Variants in ZNF808 observed in about 807,000 individuals in gnomAD.
ZNF808 encodes zinc finger protein 808.
ZNF808 carries 5 observed loss-of-function variants against 8.7 expected under a neutral mutation model. That is an observed-to-expected ratio of 0.58 (90% CI 0.30 to 1.21). The LOEUF (loss-of-function observed/expected upper bound fraction) is 1.21, where lower values mean the gene tolerates loss of function less well. Ranked by LOEUF, ZNF808 falls within the 50% of genes most tolerant of loss-of-function variation. ZNF808 has a pLI of 0.07. For synonymous variants in ZNF808, 380 were observed against 366.0 expected (o/e 1.04, Z -0.44); for missense variants, 1,103 against 1,098.4 (o/e 1.00, Z -0.06).
At chr19:52,548,586 G>C (rs1372556194) in intron 4 of ZNF808, among the ~76,000 whole-genome samples, 1 of 152,042 alleles carries the variant, frequency 6.6e-6, no homozygotes, top group African/African-American at 2.4e-5. Context: ...CCACACCCGG[G>C]TAATTTTTGG....
At chr19:52,538,082 C>CT (rs1371151266) in intron 2 of ZNF808, among the ~76,000 whole-genome samples, 8 of 152,154 alleles carry the variant, frequency 5.3e-5, no homozygotes, top group South Asian at 2.1e-4. Flanking sequence ...GTTATCTACT[C>CT]TAACTGCAGC....
chr19:52,547,616 C>A lies in ZNF808; in HGVS notation c.168C>A (p.Asn56Lys). The part of the protein sequence containing the change: ...RALYREVMLE[N>K]YRNLEAVDIS... ...TGTACAGGGAAGTGATGTTGGAGAA[C>A]TACAGGAACCTGGAGGCTGTGGGTG... is the stretch of plus-strand genomic sequence containing the variant. The change falls in exon 4 of 5, where the codon AAC becomes AAA. Residue 56 changes from asparagine (N) to lysine (K), a missense_variant. Transcript: ENST00000359798. The A allele has an allele frequency of 6.2e-7, 1 of 1,613,998 alleles. No homozygotes were observed. Among genetic ancestry groups the A allele is most frequent in the Non-Finnish European group, 8.5e-7 (1 of 1,179,972 alleles).
intron 2 of ZNF808, among the ~76,000 whole-genome samples, chr19:52,536,539 A>G (rs542173419): frequency 2.2e-4 from 33 of 151,998 alleles, no homozygotes; most frequent in Non-Finnish European, 4.3e-4. Flanking sequence ...CTGCTCCCCA[A>G]TTCTTCCCTT....
intron 2 of ZNF808, among the ~76,000 whole-genome samples, chr19:52,537,996 T>C (rs991356145): frequency 7.0e-6 from 1 of 141,894 alleles, no homozygotes; most frequent in Non-Finnish European, 1.5e-5. Flanking sequence ...TCGCTGTTAT[T>C]ACATAATACT....
At chr19:52,537,197 C>T (rs536063) in intron 2 of ZNF808, among the ~76,000 whole-genome samples, 49,476 of 150,244 alleles carry the variant, frequency 0.33, 8,756 homozygotes, top group East Asian at 0.52. Flanking sequence ...AAAAAAAAAG[C>T]GGTTAAATAA....
At chr19:52,535,476 T>C (rs991152232) in intron 2 of ZNF808, among the ~76,000 whole-genome samples, 3 of 152,114 alleles carry the variant, frequency 2.0e-5, no homozygotes, top group Non-Finnish European at 2.9e-5. Context: ...CGCTGCTTCC[T>C]GAGTAGCTGG....
chr19:52,534,410 T>A (rs1213622780), intron 2 of ZNF808, among the ~76,000 whole-genome samples: 4 of 152,200 alleles, frequency 2.6e-5, no homozygotes, highest in African/African-American at 9.6e-5. Context: ...CACTGAAGTT[T>A]CTTTCTCTCT....
downstream of ZNF808, among the ~76,000 whole-genome samples, chr19:52,558,049 G>T (rs2059844263): frequency 8.1e-6 from 1 of 124,084 alleles, no homozygotes; most frequent in Non-Finnish European, 1.6e-5. Context: ...TTTTTTGAGG[G>T]TAGGAGTGCC....
At chr19:52,548,731 A>C (rs2123163568) in intron 4 of ZNF808, among the ~76,000 whole-genome samples, 1 of 152,128 alleles carries the variant, frequency 6.6e-6, no homozygotes, top group East Asian at 1.9e-4. Flanking sequence ...GGCCCATCCG[A>C]GTTGTTTTTA....
At chr19:52,564,228 A>C in exon 4 of ZNF808, 2 of 923,754 alleles carry the variant, frequency 2.2e-6, no homozygotes, top group Non-Finnish European at 1.7e-6. Flanking sequence ...AGCTGGGTCT[A>C]TAAGGAATTG....
chr19:52,556,895 C>G (rs1433171208), downstream of ZNF808: 4 of 152,136 alleles, frequency 2.6e-5, no homozygotes, highest in East Asian at 7.7e-4. Flanking sequence ...CCCTCTGGAC[C>G]ATTCTGGAAA....
rs1600012758 is a variant in ZNF808 at position 52,548,954 on chromosome 19, T to A, written c.190+1316T>A. Among the ~76,000 whole-genome samples, 3 of 151,876 alleles carry A rather than the reference T, an allele frequency of 2.0e-5. 1 individual carries two copies. In the East Asian group the frequency reaches 5.8e-4, roughly 29 times the overall value. ...CCAACTTGGTGAAACCACATTTCTA[T>A]TAGAGGTACAGTTTTTTTTTTGTTT... On this transcript the variant is annotated intron_variant, in intron 4 of 4. Coordinates refer to ENST00000359798, the MANE Select transcript of ZNF808 (RefSeq NM_001039886.4).
chr19:52,566,849 A>G (rs760674954), downstream of ZNF808, among the ~76,000 whole-genome samples: 6 of 152,214 alleles, frequency 3.9e-5, no homozygotes, highest in Non-Finnish European at 8.8e-5. Context: ...ACAAACTCCT[A>G]CATAAACACA....
intron 2 of ZNF808, among the ~76,000 whole-genome samples, chr19:52,539,380 A>G (rs1568481564): frequency 6.6e-6 from 1 of 150,448 alleles, no homozygotes; most frequent in African/African-American, 2.4e-5. Context: ...TTTAGTAGAG[A>G]CAGTTTTCAC....
At position 52,553,348 on chromosome 19, in the gene ZNF808, C is replaced by T. The variant is rs756372569; in HGVS notation, c.432C>T (p.His144=). The T allele has an allele frequency of 6.2e-7, 1 of 1,614,130 alleles. No individual in the cohort carries two copies. The highest frequency in any genetic ancestry group is 2.2e-5 in the East Asian group (1 of 44,870). The part of the protein sequence containing the change: ...KLTGSTDQHD[H]RHAGNKPIKD... ...CTGGTAGCACAGACCAACATGATCA[C>T]AGGCATGCTGGAAACAAGCCTATTA... The change falls in exon 5 of 5, where the codon CAC becomes CAT. Residue 144 remains histidine (H), a synonymous_variant. Coordinates refer to ENST00000359798, the MANE Select transcript of ZNF808 (RefSeq NM_001039886.4).
chr19:52,547,072 T>C (rs2123153786), intron 3 of ZNF808, among the ~76,000 whole-genome samples: 1 of 151,420 alleles, frequency 6.6e-6, no homozygotes, highest in East Asian at 2.0e-4. Flanking sequence ...CTCAGCCTCC[T>C]GTGTAGCTGG....
At chr19:52,552,358 GAT>G (rs1051963782) in intron 4 of ZNF808, among the ~76,000 whole-genome samples, 1 of 151,356 alleles carries the variant, frequency 6.6e-6, no homozygotes, top group Non-Finnish European at 1.5e-5. Flanking sequence ...GTTCTGTGTA[GAT>G]ATATATAATT....
intron 3 of ZNF808, among the ~76,000 whole-genome samples, chr19:52,545,638 T>C (rs2059713266): frequency 6.6e-6 from 1 of 151,978 alleles, no homozygotes; most frequent in Non-Finnish European, 1.5e-5. Context: ...ATTAGATGGA[T>C]GTGGTGGCAG....
chr19:52,546,293 T>C (rs57548816), intron 3 of ZNF808, among the ~76,000 whole-genome samples: 5,238 of 150,958 alleles, frequency 0.035, 279 homozygotes, highest in African/African-American at 0.11. Flanking sequence ...TTTCAAGCAA[T>C]TCTCCAGCCT....
Sources: allele counts gnomAD v4.1 joint callset (sites outside exome capture counted in the v4.1 genomes callset), GRCh38; gene constraint gnomAD v4.1.1; transcripts MANE v1.5; gene names NCBI Gene and HGNC (gene_info 2026-07-23, HGNC 2026-07-21).